The following ANKS1B variants were observed in gnomAD, a reference collection of about 807,000 sequenced individuals.
ANKS1B encodes ankyrin repeat and sterile alpha motif domain containing 1B.
ANKS1B carries 36 observed loss-of-function variants against 148.3 expected under a neutral mutation model. The ratio of observed to expected loss-of-function variants is 0.24; its 90% CI spans 0.19 to 0.32. ANKS1B has a LOEUF of 0.32. ANKS1B is among the 10% of genes least tolerant of loss of function. The pLI, the probability that ANKS1B is intolerant of heterozygous loss-of-function variation, is 1.00. For synonymous variants in ANKS1B, 542 were observed against 560.8 expected (o/e 0.97, Z 0.47); for missense variants, 1,157 against 1,542.6 (o/e 0.75, Z 4.19).
chr12:98,863,387 G>T (rs1297211364), intron 17 of ANKS1B, among the ~76,000 whole-genome samples: 1 of 152,196 alleles, frequency 6.6e-6, no homozygotes, highest in Admixed American at 6.5e-5. Flanking sequence ...GCAAATTAGA[G>T]TACTGATGTT....
intron 10 of ANKS1B, among the ~76,000 whole-genome samples, chr12:99,486,456 TTATTTATTTA>T (rs2096489914): frequency 2.4e-5 from 1 of 42,106 alleles, no homozygotes; most frequent in East Asian, 3.9e-4. Flanking sequence ...TGGCATGTGC[TTATTTATTTA>T]TTTATTTATT....
At chr12:99,462,113 C>T (rs116208495) in intron 10 of ANKS1B, among the ~76,000 whole-genome samples, 292 of 152,352 alleles carry the variant, frequency 1.9e-3, no homozygotes, top group African/African-American at 6.5e-3. Flanking sequence ...AACCCTATTC[C>T]TATTTGCAGT....
At chr12:99,812,068 T>C in intron 3 of ANKS1B, 87 bp downstream of exon 3, 6 of 1,473,398 alleles carry the variant, frequency 4.1e-6, no homozygotes, top group Non-Finnish European at 5.4e-6. Context: ...TTGGGCAAGG[T>C]AAAGATAAAA....
At chr12:99,259,627 C>T (rs1383449991) in intron 12 of ANKS1B, among the ~76,000 whole-genome samples, 1 of 152,228 alleles carries the variant, frequency 6.6e-6, no homozygotes, top group Non-Finnish European at 1.5e-5. Context: ...TCCCTCATTT[C>T]CAGCTGCTAA....
chr12:99,842,190 GTTT>G (rs1201568893), intron 1 of ANKS1B, among the ~76,000 whole-genome samples: 1 of 151,938 alleles, frequency 6.6e-6, no homozygotes, highest in East Asian at 1.9e-4. Flanking sequence ...CTGTAATTCA[GTTT>G]TTGTGTCCTT....
intron 10 of ANKS1B, among the ~76,000 whole-genome samples, chr12:99,465,512 G>A (rs557629468): frequency 6.6e-6 from 1 of 152,042 alleles, no homozygotes; most frequent in African/African-American, 2.4e-5. Flanking sequence ...TGGATAAAGA[G>A]TCAAGACCCA....
chr12:98,962,157 C>A (rs113553828), intron 17 of ANKS1B, among the ~76,000 whole-genome samples: 5,016 of 146,860 alleles, frequency 0.034, 208 homozygotes, highest in African/African-American at 0.1. Flanking sequence ...AAAAAAAAAA[C>A]AAGATTCAAC....
At chr12:99,114,151 T>C (rs10777958) in intron 15 of ANKS1B, among the ~76,000 whole-genome samples, 47,643 of 152,122 alleles carry the variant, frequency 0.31, 9,397 homozygotes, top group East Asian at 0.71. Flanking sequence ...AATTAGGAAA[T>C]TGAAAATCAG....
chr12:99,972,265 T>C (rs2095568772), intron 1 of ANKS1B, among the ~76,000 whole-genome samples: 1 of 152,188 alleles, frequency 6.6e-6, no homozygotes, highest in South Asian at 2.1e-4. Flanking sequence ...TAGAAATGAA[T>C]AAACTTAGTG....
chr12:99,955,458 G>A (rs1297873482), intron 1 of ANKS1B, among the ~76,000 whole-genome samples: 11 of 121,786 alleles, frequency 9.0e-5, no homozygotes, highest in African/African-American at 3.5e-4. Flanking sequence ...GCGCCACTGC[G>A]CTCCAGCCTG....
intron 19 of ANKS1B, among the ~76,000 whole-genome samples, chr12:98,814,222 T>C (rs12422546): frequency 0.024 from 3,609 of 152,316 alleles, 83 homozygotes; most frequent in East Asian, 0.09. Flanking sequence ...AGAAGGAGAA[T>C]AGTACTTGAC....
intron 19 of ANKS1B, among the ~76,000 whole-genome samples, chr12:98,817,377 T>C (rs1390976350): frequency 5.3e-5 from 8 of 152,206 alleles, no homozygotes; most frequent in African/African-American, 1.9e-4. Context: ...ACCAAACACC[T>C]TGTATGCATA....
At chr12:99,163,257 T>C (rs2076861253) in intron 14 of ANKS1B, among the ~76,000 whole-genome samples, 2 of 152,214 alleles carry the variant, frequency 1.3e-5, no homozygotes, top group African/African-American at 4.8e-5. Flanking sequence ...TACATCCTTT[T>C]ATTTTCTTTT....
At chr12:98,909,389 C>T (rs2099783686) in intron 17 of ANKS1B, among the ~76,000 whole-genome samples, 1 of 152,190 alleles carries the variant, frequency 6.6e-6, no homozygotes, top group African/African-American at 2.4e-5. Flanking sequence ...TGATGAGGTA[C>T]ATGAGGCTCA....
intron 1 of ANKS1B, among the ~76,000 whole-genome samples, chr12:99,852,073 A>C (rs1187007186): frequency 1.1e-4 from 17 of 152,232 alleles, no homozygotes; most frequent in Admixed American, 6.5e-5. Flanking sequence ...GCTAAAAATA[A>C]ACACATCAAG....
intron 1 of ANKS1B, among the ~76,000 whole-genome samples, chr12:99,944,856 T>C (rs942749768): frequency 6.6e-6 from 1 of 151,876 alleles, no homozygotes; most frequent in Non-Finnish European, 1.5e-5. Context: ...CATAGATAAG[T>C]GAAAAACTCA....
At chr12:98,925,530 C>G (rs932821647) in intron 17 of ANKS1B, among the ~76,000 whole-genome samples, 2 of 152,124 alleles carry the variant, frequency 1.3e-5, no homozygotes, top group African/African-American at 2.4e-5. Flanking sequence ...TGGAAATTAA[C>G]CCAAAGTTTG....
intron 16 of ANKS1B, among the ~76,000 whole-genome samples, chr12:99,075,777 A>G (rs938176430): frequency 1.6e-4 from 24 of 148,770 alleles, no homozygotes; most frequent in Non-Finnish European, 3.3e-4. Flanking sequence ...ATCTATTATT[A>G]TATCTATTAT....
chr12:99,543,572 C>A (rs1046107876), intron 9 of ANKS1B, among the ~76,000 whole-genome samples: 1 of 151,896 alleles, frequency 6.6e-6, no homozygotes, highest in Non-Finnish European at 1.5e-5. Context: ...GTGAACAACC[C>A]AAATGCCTAC....
Sources: gnomAD v4.1 joint callset for allele counts (sites outside exome capture counted in the v4.1 genomes callset) on GRCh38, gnomAD v4.1.1 for gene constraint, MANE v1.5 for transcripts, NCBI Gene and HGNC (gene_info 2026-07-23, HGNC 2026-07-21) for gene names.